Variants in QRICH1 observed in about 807,000 individuals in gnomAD.
QRICH1 encodes glutamine rich 1.
QRICH1 carries 16 observed loss-of-function variants against 87.1 expected under a neutral mutation model. That is an observed-to-expected ratio of 0.18 (90% CI 0.12 to 0.28). QRICH1 has a LOEUF of 0.28. Ranked by LOEUF, QRICH1 falls within the 10% of genes least tolerant of loss-of-function variation. The probability of loss-of-function intolerance (pLI) is 1.00; values close to 1 mark genes in which losing one functional copy is unlikely to be tolerated. For missense variants in QRICH1, 647 were observed against 951.7 expected (o/e 0.68, Z 4.21); for synonymous variants, 367 against 368.4 (o/e 1.00, Z 0.05).
chr3:49,092,172 C>A (rs544860943), intron 1 of QRICH1: 1 of 152,202 alleles, frequency 6.6e-6, no homozygotes, highest in South Asian at 2.1e-4. Flanking sequence ...CCTGCAAACG[C>A]TTAAATCTGC....
chr3:49,082,131 G>A (rs1002408432), intron 1 of QRICH1, among the ~76,000 whole-genome samples: 1 of 151,960 alleles, frequency 6.6e-6, no homozygotes, highest in African/African-American at 2.4e-5. Context: ...CAGTGGAGAT[G>A]GAGTTTTGCT....
intron 6 of QRICH1, among the ~76,000 whole-genome samples, chr3:49,036,960 G>A (rs567351911): frequency 6.6e-6 from 1 of 151,778 alleles, no homozygotes; most frequent in African/African-American, 2.4e-5. Flanking sequence ...GCTACATGGA[G>A]GGCTGAGGTG....
intron 6 of QRICH1, among the ~76,000 whole-genome samples, chr3:49,037,532 G>A (rs919957712): frequency 2.2e-4 from 33 of 152,196 alleles, no homozygotes; most frequent in African/African-American, 7.7e-4. Flanking sequence ...AAGAGTTCGC[G>A]ACCAGCGCGG....
intron 3 of QRICH1, among the ~76,000 whole-genome samples, chr3:49,053,377 A>ACTCGGGAGG (rs2093382656): frequency 1.3e-5 from 2 of 150,708 alleles, no homozygotes; most frequent in South Asian, 4.2e-4. Context: ...AGTCCCAGCT[A>ACTCGGGAGG]CTCGGGAGGC....
chr3:49,078,650 C>T (rs2041999299), intron 1 of QRICH1, among the ~76,000 whole-genome samples: 1 of 149,536 alleles, frequency 6.7e-6, no homozygotes, highest in African/African-American at 2.5e-5. Context: ...CTGCCTCAGC[C>T]TCCCAAAGTG....
intron 1 of QRICH1, among the ~76,000 whole-genome samples, chr3:49,079,713 G>A (rs2042021849): frequency 6.6e-6 from 1 of 152,050 alleles, no homozygotes; most frequent in Non-Finnish European, 1.5e-5. Context: ...TTTGTTAATA[G>A]CACAGTAGCG....
At chr3:49,065,765 C>T (rs890221601) in intron 2 of QRICH1, among the ~76,000 whole-genome samples, 1 of 151,592 alleles carries the variant, frequency 6.6e-6, no homozygotes, top group Non-Finnish European at 1.5e-5. Context: ...ACTGCAAGCT[C>T]CACTTCCCGG....
intron 1 of QRICH1, among the ~76,000 whole-genome samples, chr3:49,092,043 G>A (rs1412093534): frequency 6.6e-6 from 1 of 151,446 alleles, no homozygotes; most frequent in Non-Finnish European, 1.5e-5. Context: ...CTGCACTCCA[G>A]CCTGGGTGAC....
At chr3:49,061,733 T>C (rs964696706) in intron 2 of QRICH1, among the ~76,000 whole-genome samples, 9 of 151,994 alleles carry the variant, frequency 5.9e-5, no homozygotes, top group Non-Finnish European at 5.9e-5. Flanking sequence ...ATGCCTGTAA[T>C]CCCAGCTACT....
chr3:49,089,805 AAAG>A (rs1031937496), intron 1 of QRICH1, among the ~76,000 whole-genome samples: 4 of 152,326 alleles, frequency 2.6e-5, no homozygotes, highest in East Asian at 1.9e-4. Flanking sequence ...GTAAATGTAA[AAAG>A]AAGAAGAATG....
intron 2 of QRICH1, among the ~76,000 whole-genome samples, chr3:49,073,749 C>T (rs1302970828): frequency 6.6e-6 from 1 of 151,498 alleles, no homozygotes; most frequent in Non-Finnish European, 1.5e-5. Context: ...CAGGCTCAAG[C>T]GATTCTCCCA....
chr3:49,048,604 C>T (rs1337555332), intron 3 of QRICH1, among the ~76,000 whole-genome samples: 3 of 150,862 alleles, frequency 2.0e-5, no homozygotes, highest in Admixed American at 6.6e-5. Flanking sequence ...CTGGCTAACA[C>T]GGTGAAACCC....
intron 6 of QRICH1, among the ~76,000 whole-genome samples, chr3:49,034,287 C>CA (rs2093261156): frequency 1.3e-5 from 2 of 151,252 alleles, no homozygotes; most frequent in African/African-American, 4.9e-5. Flanking sequence ...CACTGAAAAT[C>CA]AAAAAAATTA....
intron 7 of QRICH1, 23 bp from the exon 8 acceptor site, chr3:49,032,796 G>A (rs746185720): frequency 6.3e-7 from 1 of 1,596,252 alleles, no homozygotes; most frequent in Non-Finnish European, 8.5e-7. Context: ...TAAAATGCAA[G>A]GCAGAGGGAG....
At chr3:49,074,957 C>T (rs1433659752) in intron 2 of QRICH1, among the ~76,000 whole-genome samples, 2 of 151,420 alleles carry the variant, frequency 1.3e-5, no homozygotes, top group Non-Finnish European at 2.9e-5. Flanking sequence ...CCAGCCTGGG[C>T]AACAGAGCGA....
rs1452995561 is a variant in QRICH1, at chr3:49,030,480, G to C, written c.2303C>G (p.Ala768Gly). Residue 768 changes from alanine (A) to glycine (G), a missense_variant, in exon 10 of 10, where the codon GCA becomes GGA. Ala to Gly is a moderately conservative substitution (Grantham distance 60, BLOSUM62 0). Around this residue, in one of 7 missense-constraint regions of QRICH1, gnomAD observed 56 missense variants for 79.4 expected, o/e 0.71. Coordinates refer to ENST00000395443, the MANE Select transcript of QRICH1 (RefSeq NM_198880.3). ...LVIREIQEAIAVANASTMH is the reference protein window; with the variant it reads ...LVIREIQEAIGVANASTMH ...GTGCATAGTGCTTGCATTGGCCACT[G>C]CGATGGCCTCCTGAATTTCTCTTAT... The C allele has an allele frequency of 6.2e-7, 1 of 1,613,670 alleles. No homozygotes were observed. Among genetic ancestry groups the C allele is most frequent in the Admixed American group, 1.7e-5 (1 of 60,018 alleles).
chr3:49,088,618 GTTTTTTTT>G (rs1206382284), intron 1 of QRICH1, among the ~76,000 whole-genome samples: 1 of 93,180 alleles, frequency 1.1e-5, no homozygotes, highest in Non-Finnish European at 2.2e-5. Flanking sequence ...GCTTTTGTCT[GTTTTTTTT>G]TTTTTTTTTT....
intron 2 of QRICH1, among the ~76,000 whole-genome samples, chr3:49,061,951 C>T (rs1259769754): frequency 6.6e-6 from 1 of 152,118 alleles, no homozygotes; most frequent in South Asian, 2.1e-4. Flanking sequence ...CAATGAGAAA[C>T]CACTTTATAT....
At chr3:49,036,107 AT>A (rs1214850949) in intron 6 of QRICH1, among the ~76,000 whole-genome samples, 1 of 152,122 alleles carries the variant, frequency 6.6e-6, no homozygotes, top group Non-Finnish European at 1.5e-5. Flanking sequence ...ATAAATCAAA[AT>A]AAAATAAAAC....
Sources: allele counts gnomAD v4.1 joint callset (sites outside exome capture counted in the v4.1 genomes callset), GRCh38; gene constraint gnomAD v4.1.1; regional missense constraint gnomAD v4.1.1; transcripts MANE v1.5; gene names NCBI Gene and HGNC (gene_info 2026-07-23, HGNC 2026-07-21).